PRELID2: variants seen among roughly 807,000 people sequenced by gnomAD.
PRELID2 encodes PRELI domain containing 2, also known as PRELI domain-containing protein 2.
Under a neutral mutation model 28.4 loss-of-function variants are expected in PRELID2, and 25 were observed. That is an observed-to-expected ratio of 0.88 (90% CI 0.64 to 1.23). The LOEUF is 1.23. Among genes scored for constraint, PRELID2 ranks in the 50% most tolerant of loss-of-function variants. The pLI is 0.00. For missense variants in PRELID2, 201 were observed against 214.4 expected, an observed-to-expected ratio of 0.94 and a Z score of 0.39; for synonymous variants, 76 against 71.6, an observed-to-expected ratio of 1.06 and a Z score of -0.31.
At chr5:145,431,173 A>T in the PRELID2 span, among the ~76,000 whole-genome samples, 4 of 151,980 alleles carry the variant, frequency 2.6e-5, no homozygotes, top group African/African-American at 9.7e-5. Context: ...ATAGAAAGGT[A>T]TTTAAAAGGT....
intron 1 of PRELID2, among the ~76,000 whole-genome samples, chr5:145,737,776 T>G (rs12518852): frequency 0.82 from 124,471 of 152,096 alleles, 51,348 homozygotes; most frequent in East Asian, 0.88. Flanking sequence ...AGGATGTAAC[T>G]TCAGGGAGGG....
At chr5:145,245,489 C>T in the PRELID2 span, among the ~76,000 whole-genome samples, 4 of 151,890 alleles carry the variant, frequency 2.6e-5, no homozygotes, top group African/African-American at 9.7e-5. Flanking sequence ...AGAACTTTGA[C>T]GTGGTTTTTC....
chr5:145,742,820 G>T (rs1238777454), intron 1 of PRELID2, among the ~76,000 whole-genome samples: 2 of 151,508 alleles, frequency 1.3e-5, no homozygotes, highest in African/African-American at 4.8e-5. Flanking sequence ...TATTTGAAAA[G>T]ATCAATAAAA....
At chr5:145,525,492 C>T (rs530982255) in intron 1 of PRELID2, among the ~76,000 whole-genome samples, 4 of 152,276 alleles carry the variant, frequency 2.6e-5, no homozygotes, top group African/African-American at 9.6e-5. Flanking sequence ...CATCTCTTCA[C>T]TTCGCCTCTA....
At chr5:145,619,092 G>A (rs1268324647) in intron 1 of PRELID2, among the ~76,000 whole-genome samples, 1 of 152,112 alleles carries the variant, frequency 6.6e-6, no homozygotes, top group Non-Finnish European at 1.5e-5. Flanking sequence ...CTGAGAACTT[G>A]TCCCAGGCTA....
chr5:145,412,137 T>C, the PRELID2 span, among the ~76,000 whole-genome samples: 12 of 152,292 alleles, frequency 7.9e-5, no homozygotes, highest in East Asian at 1.9e-4. Flanking sequence ...TTCCCCATTG[T>C]CTTGGTGATT....
intron 1 of PRELID2, among the ~76,000 whole-genome samples, chr5:145,642,433 A>G (rs1207670846): frequency 6.6e-6 from 1 of 152,194 alleles, no homozygotes; most frequent in African/African-American, 2.4e-5. Flanking sequence ...TCAGATGGAT[A>G]GATTGCAAAA....
the PRELID2 span, among the ~76,000 whole-genome samples, chr5:145,431,884 G>A: frequency 2.6e-5 from 4 of 152,120 alleles, no homozygotes; most frequent in South Asian, 8.3e-4. Flanking sequence ...CAGATATACA[G>A]GGATGTTCAC....
chr5:145,461,859 T>A, the PRELID2 span, among the ~76,000 whole-genome samples: 12 of 152,310 alleles, frequency 7.9e-5, no homozygotes, highest in East Asian at 1.9e-4. Context: ...TTTTAACTCC[T>A]TTATGGTTAG....
At chr5:145,473,891 T>C (rs186185200) in intron 1 of PRELID2, among the ~76,000 whole-genome samples, 4 of 152,312 alleles carry the variant, frequency 2.6e-5, no homozygotes, top group African/African-American at 4.8e-5. Context: ...ACAGTTTACA[T>C]AGTGTAAAAT....
At chr5:145,324,305 TGTCC>T in the PRELID2 span, among the ~76,000 whole-genome samples, 2 of 152,164 alleles carry the variant, frequency 1.3e-5, no homozygotes, top group Non-Finnish European at 2.9e-5. Flanking sequence ...CTAAAAGACA[TGTCC>T]AAAAATGCAG....
the PRELID2 span, among the ~76,000 whole-genome samples, chr5:145,323,430 ACG>A: frequency 6.6e-6 from 1 of 152,182 alleles, no homozygotes; most frequent in African/African-American, 2.4e-5. Flanking sequence ...TTTTTTAAAG[ACG>A]TCTCTGGCCA....
chr5:145,403,766 G>C, the PRELID2 span, among the ~76,000 whole-genome samples: 1 of 152,182 alleles, frequency 6.6e-6, no homozygotes, highest in Non-Finnish European at 1.5e-5. Flanking sequence ...TACATCTCCA[G>C]TGTCATTCAA....
At chr5:145,529,239 C>T (rs984633649) in intron 1 of PRELID2, among the ~76,000 whole-genome samples, 1 of 152,098 alleles carries the variant, frequency 6.6e-6, no homozygotes, top group Non-Finnish European at 1.5e-5. Flanking sequence ...ACTTAATTAC[C>T]GCTCTGTGCT....
intron 5 of PRELID2, among the ~76,000 whole-genome samples, chr5:145,772,579 A>G (rs568737817): frequency 2.0e-5 from 3 of 152,328 alleles, no homozygotes; most frequent in African/African-American, 7.2e-5. Flanking sequence ...ACAAGAAACC[A>G]AGAGATTGAA....
At chr5:145,257,901 T>C in the PRELID2 span, among the ~76,000 whole-genome samples, 3 of 152,114 alleles carry the variant, frequency 2.0e-5, no homozygotes, top group African/African-American at 7.2e-5. Flanking sequence ...TGGACCATGG[T>C]GGGGGATTTC....
rs1752730065 is a variant in PRELID2 at position 145,539,583 on chromosome 5, T to C, written n.71-66268A>G. On this transcript the variant is annotated intron_variant and non_coding_transcript_variant, in intron 1 of 2. Transcript: ENST00000510259. Reference sequence around the variant, plus strand: ...TCCTCTTTTTGTATTATAAAAAATATACTCAAAAACACACATAAACTTTTA... The same window carrying C: ...TCCTCTTTTTGTATTATAAAAAATACACTCAAAAACACACATAAACTTTTA... Among the ~76,000 whole-genome samples, 5 of 151,982 alleles carry C rather than the reference T, an allele frequency of 3.3e-5. 1 individual carries two copies. The South Asian group carries it at 1.0e-3, about 31-fold the overall frequency.
the PRELID2 span, among the ~76,000 whole-genome samples, chr5:145,377,751 T>G: frequency 2.0e-5 from 3 of 152,162 alleles, no homozygotes; most frequent in Non-Finnish European, 4.4e-5. Context: ...ATTTCACCCA[T>G]CAAGAAATGG....
the PRELID2 span, among the ~76,000 whole-genome samples, chr5:145,354,609 C>T: frequency 6.6e-6 from 1 of 152,126 alleles, no homozygotes; most frequent in Admixed American, 6.6e-5. Context: ...TCCTGTCTCA[C>T]CTCCTGTGCA....
Sources: allele counts gnomAD v4.1 joint callset (sites outside exome capture counted in the v4.1 genomes callset), GRCh38; gene constraint gnomAD v4.1.1; transcripts MANE v1.5; gene names NCBI Gene and HGNC (gene_info 2026-07-23, HGNC 2026-07-21).